SELP: variants seen among roughly 807,000 people sequenced by gnomAD.
The protein encoded by SELP is selectin P, also known as P-selectin.
Under a neutral mutation model 104.1 loss-of-function variants are expected in SELP, and 92 were observed. The ratio of observed to expected loss-of-function variants is 0.88; its 90% CI spans 0.75 to 1.05. The LOEUF (loss-of-function observed/expected upper bound fraction) is 1.05. Ranked by LOEUF, SELP falls within the 50% of genes least tolerant of loss-of-function variation. The pLI, the probability that SELP is intolerant of heterozygous loss-of-function variation, is 0.00. For missense variants in SELP, 1,022 were observed against 1,017.3 expected, an observed-to-expected ratio of 1.00 and a Z score of -0.06; for synonymous variants, 397 against 364.5, an observed-to-expected ratio of 1.09 and a Z score of -1.01.
In SELP at chr1:169,623,387, C is replaced by G. The variant is rs3917674; in HGVS notation, c.4-4168G>C. Reference sequence around the variant, plus strand: ...AGTGGCCAACCCTACCCACTGTTTCCTGCTTTGACTTGTTTGTTTAAACTT... The same window carrying G: ...AGTGGCCAACCCTACCCACTGTTTCGTGCTTTGACTTGTTTGTTTAAACTT... On this transcript the variant is annotated intron_variant, in intron 1 of 16. Coordinates refer to ENST00000263686, the MANE Select transcript of SELP (RefSeq NM_003005.4). Among the ~76,000 whole-genome samples the G allele has an allele frequency of 2.5e-3, 377 of 152,326 alleles. 2 individuals carry two copies. Among genetic ancestry groups the G allele is most frequent in the African/African-American group, 8.7e-3 (361 of 41,564 alleles).
intron 6 of SELP, 34 bp downstream of exon 6, chr1:169,612,183 T>C (rs1557963349): frequency 1.2e-5 from 19 of 1,602,520 alleles, no homozygotes; most frequent in Non-Finnish European, 1.5e-5. Context: ...CTGGGTGCAA[T>C]GGACATTATA....
At chr1:169,597,275 A>G (rs1055812151) in intron 10 of SELP, 99 bp from the exon 11 acceptor site, 2 of 1,063,964 alleles carry the variant, frequency 1.9e-6, no homozygotes, top group Non-Finnish European at 2.6e-6. Context: ...AATATTTATT[A>G]AGCACCTATA....
intron 10 of SELP, among the ~76,000 whole-genome samples, chr1:169,601,404 A>C (rs1170180888): frequency 2.6e-5 from 4 of 152,192 alleles, no homozygotes; most frequent in Non-Finnish European, 5.9e-5. Flanking sequence ...GACTTTCCTA[A>C]TGGCACATGA....
At position 169,617,357 on chromosome 1, in the gene SELP, T is replaced by A; in HGVS notation, c.152A>T (p.Tyr51Phe). 1 of 1,614,016 alleles carries A rather than the reference T, an allele frequency of 6.2e-7. No individual in the cohort carries two copies. The highest frequency in any genetic ancestry group is 8.5e-7 in the Non-Finnish European group (1 of 1,179,972). Reference protein sequence around the residue: ...AWTYHYSTKAYSWNISRKYCQ... With the variant: ...AWTYHYSTKAFSWNISRKYCQ... ...GTATTTACGGGAAATATTCCATGAGTATGCTTTTGTGCTGTAATGATAAGT... is the reference window on the plus strand; with the variant it reads ...GTATTTACGGGAAATATTCCATGAGAATGCTTTTGTGCTGTAATGATAAGT... The change falls in exon 3 of 17, where the codon TAC becomes TTC. Residue 51 changes from tyrosine to phenylalanine, a missense_variant. By Grantham distance (22) the Tyr-to-Phe change is conservative. Transcript: ENST00000263686.
Position 169,591,414 on chromosome 1 carries a change from T to G in SELP, c.2438+12A>C. 6.4e-7 allele frequency: 1 copy of G among 1,573,210 alleles called. No individual in the cohort carries two copies. The highest frequency in any genetic ancestry group is 8.7e-7 in the Non-Finnish European group (1 of 1,155,540). On this transcript the variant is annotated intron_variant, in intron 15 of 16. Coordinates refer to ENST00000263686, the MANE Select transcript of SELP (RefSeq NM_003005.4). ...GCAAAATTTACTCAATCATAAAACATTTCTACCTTACCTGTGAGGATTCAA... is the reference window on the plus strand; with the variant it reads ...GCAAAATTTACTCAATCATAAAACAGTTCTACCTTACCTGTGAGGATTCAA...
intron 1 of SELP, among the ~76,000 whole-genome samples, chr1:169,620,516 C>T (rs181921216): frequency 6.6e-6 from 1 of 152,044 alleles, no homozygotes; most frequent in East Asian, 1.9e-4. Context: ...AGCCACTCAA[C>T]ATTACTATCA....
Position 169,628,479 on chromosome 1 carries a change from C to G in SELP, c.3+1593G>C, listed in dbSNP as rs1198544526. On this transcript the variant is annotated intron_variant, in intron 1 of 16. Transcript: ENST00000263686. ...AACCATTCCAGGGCTGGGGCCTTAG[C>G]ACTTCGCTGTAGAGCTCAAGCCTAA... is the stretch of plus-strand genomic sequence containing the variant. 7.2e-5 allele frequency among the ~76,000 whole-genome samples: 11 copies of G among 152,194 alleles called. 1 individual carries two copies. The highest frequency in any genetic ancestry group is 7.2e-4 in the Admixed American group (11 of 15,272).
At chr1:169,626,218 G>T (rs1009924274) in intron 1 of SELP, among the ~76,000 whole-genome samples, 12 of 152,222 alleles carry the variant, frequency 7.9e-5, no homozygotes, top group African/African-American at 2.7e-4. Context: ...ACGAGCCGGG[G>T]GTAGTGACAG....
intron 1 of SELP, among the ~76,000 whole-genome samples, chr1:169,628,732 AG>A (rs1236793071): frequency 2.6e-5 from 4 of 152,236 alleles, no homozygotes. Context: ...GAAATAGAGG[AG>A]GATGCCAAGG....
intron 9 of SELP, among the ~76,000 whole-genome samples, chr1:169,605,892 T>A (rs999779284): frequency 6.6e-6 from 1 of 152,112 alleles, no homozygotes; most frequent in Non-Finnish European, 1.5e-5. Flanking sequence ...ATTGGATACA[T>A]TGAGGGGGAA....
In SELP at chr1:169,611,433, C is replaced by G. The variant is rs3917732; in HGVS notation, c.1147+59G>C. The G allele has an allele frequency of 3.9e-4, 614 of 1,565,896 alleles. 2 individuals carry two copies. The African/African-American group carries it at 7.2e-3, about 18-fold the overall frequency. On this transcript the variant is annotated intron_variant, in intron 7 of 16. Transcript: ENST00000263686. ...CCCCGACACTGAGAGCCCTTGGCCT[C>G]TCTACCATGCCATGATTCCTTCTTG...
intron 7 of SELP, among the ~76,000 whole-genome samples, 162 bp from the exon 8 acceptor site, chr1:169,609,851 A>C (rs543958364): frequency 2.0e-5 from 3 of 152,248 alleles, no homozygotes; most frequent in African/African-American, 7.2e-5. Context: ...ACACCTTCCC[A>C]TGCCCCTCTT....
intron 1 of SELP, among the ~76,000 whole-genome samples, chr1:169,626,264 G>A (rs1242973045): frequency 6.6e-6 from 1 of 152,196 alleles, no homozygotes; most frequent in Admixed American, 6.5e-5. Context: ...ACAAGGGGAT[G>A]AGATTTTATT....
intron 8 of SELP, among the ~76,000 whole-genome samples, chr1:169,609,120 T>C (rs977376388): frequency 5.9e-5 from 9 of 152,088 alleles, no homozygotes; most frequent in African/African-American, 1.9e-4. Flanking sequence ...TTACAGAAGA[T>C]ACTGAGCCTC....
At chr1:169,629,080 C>T (rs563220623) in intron 1 of SELP, among the ~76,000 whole-genome samples, 11 of 152,184 alleles carry the variant, frequency 7.2e-5, no homozygotes, top group South Asian at 2.1e-4. Flanking sequence ...TGCAGGATTT[C>T]GGACCCTGGG....
At chr1:169,608,464 T>A (rs1403869097) in intron 8 of SELP, among the ~76,000 whole-genome samples, 1 of 152,166 alleles carries the variant, frequency 6.6e-6, no homozygotes. Context: ...ATACAGTATT[T>A]GTCCTTTCAT....
chr1:169,618,478 C>T (rs1002142392), intron 2 of SELP, among the ~76,000 whole-genome samples: 33 of 152,126 alleles, frequency 2.2e-4, no homozygotes, highest in Admixed American at 1.8e-3. Context: ...GGAGTCCACC[C>T]GGGGCAGGAG....
At chr1:169,627,352 G>A (rs902174977) in intron 1 of SELP, among the ~76,000 whole-genome samples, 4 of 152,046 alleles carry the variant, frequency 2.6e-5, no homozygotes, top group African/African-American at 9.7e-5. Flanking sequence ...AAGGGACCCA[G>A]GACATCAACA....
chr1:169,624,577 C>T (rs1663284137), intron 1 of SELP, among the ~76,000 whole-genome samples: 3 of 152,076 alleles, frequency 2.0e-5, no homozygotes, highest in South Asian at 2.1e-4. Flanking sequence ...GGTAAAACCT[C>T]GTCTCTACTA....
Sources: gnomAD v4.1 joint callset for allele counts (sites outside exome capture counted in the v4.1 genomes callset) on GRCh38, gnomAD v4.1.1 for gene constraint, MANE v1.5 for transcripts, NCBI Gene and HGNC (gene_info 2026-07-23, HGNC 2026-07-21) for gene names.